The following MLLT3 variants were observed in gnomAD, a reference collection of about 807,000 sequenced individuals.
MLLT3 encodes the protein MLLT3 super elongation complex subunit, also known as protein AF-9.
Under a neutral mutation model 53.2 loss-of-function variants are expected in MLLT3, and 4 were observed. The observed-to-expected ratio is 0.08, with a 90% CI of 0.04 to 0.17. The LOEUF (loss-of-function observed/expected upper bound fraction) is 0.17. MLLT3 is among the 10% of genes least tolerant of loss of function. MLLT3 has a pLI of 1.00. For synonymous variants in MLLT3, 283 were observed against 230.6 expected, an observed-to-expected ratio of 1.23 and a Z score of -2.06; for missense variants, 569 against 684.0, an observed-to-expected ratio of 0.83 and a Z score of 1.87.
In MLLT3 at chr9:20,621,762, G is replaced by C; in HGVS notation, c.12+483C>G. 1 of 1,488,502 alleles carries C rather than the reference G, an allele frequency of 6.7e-7. No individual in the cohort carries two copies. Among genetic ancestry groups the C allele is most frequent in the Non-Finnish European group, 8.9e-7 (1 of 1,127,666 alleles). 92.2% of individuals were successfully genotyped at this position (1,488,502 alleles called of 1,614,324 possible). A position where few individuals can be genotyped will look rare whatever the true frequency, so the allele number is the denominator to read the frequency against. On this transcript the variant is annotated intron_variant, in intron 1 of 10. Coordinates refer to ENST00000380338, the MANE Select transcript of MLLT3 (RefSeq NM_004529.4). The surrounding 1 kb of genome is among the most constrained non-coding windows in gnomAD (Gnocchi z 7.0). Reference sequence around the variant, plus strand: ...ACTTCGGCTCACACACGCGCGCCGCGGAGAACGCACCATCGTAGCGGCCGC... The same window carrying C: ...ACTTCGGCTCACACACGCGCGCCGCCGAGAACGCACCATCGTAGCGGCCGC...
intron 3 of MLLT3, among the ~76,000 whole-genome samples, chr9:20,454,706 G>A (rs1166534291): frequency 6.6e-6 from 1 of 152,190 alleles, no homozygotes; most frequent in Admixed American, 6.5e-5. Context: ...GATGTGACAA[G>A]AGGGAAGAAA....
chr9:20,585,442 ACAGT>A (rs1181767460), intron 2 of MLLT3, among the ~76,000 whole-genome samples: 1 of 152,116 alleles, frequency 6.6e-6, no homozygotes, highest in Non-Finnish European at 1.5e-5. Flanking sequence ...GGGCACAAAA[ACAGT>A]CAGTCCACAA....
intron 2 of MLLT3, among the ~76,000 whole-genome samples, chr9:20,562,804 G>C (rs1001369548): frequency 1.3e-5 from 2 of 152,134 alleles, no homozygotes; most frequent in Non-Finnish European, 2.9e-5. Flanking sequence ...AAAAATGAAA[G>C]TGTTTCCCTA....
chr9:20,582,158 C>T (rs986941088), intron 2 of MLLT3, among the ~76,000 whole-genome samples: 1 of 152,180 alleles, frequency 6.6e-6, no homozygotes, highest in Non-Finnish European at 1.5e-5. Context: ...ACCTGGCTCT[C>T]ATTTTCCCCT....
Position 20,621,769 on chromosome 9 carries a change from G to C in MLLT3, c.12+476C>G. On this transcript the variant is annotated intron_variant, in intron 1 of 10. Coordinates refer to ENST00000380338, the MANE Select transcript of MLLT3 (RefSeq NM_004529.4). The surrounding 1 kb of genome is among the most constrained non-coding windows in gnomAD (Gnocchi z 7.0). ...CTCACACACGCGCGCCGCGGAGAACGCACCATCGTAGCGGCCGCGGCGCTT... is the reference window on the plus strand; with the variant it reads ...CTCACACACGCGCGCCGCGGAGAACCCACCATCGTAGCGGCCGCGGCGCTT... 1 of 1,486,022 alleles carries C rather than the reference G, an allele frequency of 6.7e-7. No homozygotes were observed. The highest frequency in any genetic ancestry group is 8.9e-7 in the Non-Finnish European group (1 of 1,126,778). The allele number at this position is 1,486,022 out of a possible 1,614,324, so 92.1% of individuals were successfully genotyped here. A position where few individuals can be genotyped will look rare whatever the true frequency, so the allele number is the denominator to read the frequency against.
At position 20,487,343 on chromosome 9, in the gene MLLT3, T is replaced by C. The variant is rs76126077; in HGVS notation, c.194-30557A>G. On this transcript the variant is annotated intron_variant, in intron 2 of 10. Transcript: ENST00000380338. ...ATCTTGCTGCTGTCTAGCAAAATCA[T>C]AGGACTTTTGCTACTAGGATGAAAT... is the stretch of plus-strand genomic sequence containing the variant. Among the ~76,000 whole-genome samples, 223 of 152,268 alleles carry C rather than the reference T, an allele frequency of 1.5e-3. 1 individual carries two copies. Among genetic ancestry groups the C allele is most frequent in the Middle Eastern group, 6.8e-3 (2 of 294 alleles).
chr9:20,509,555 A>G (rs1825473181), intron 2 of MLLT3, among the ~76,000 whole-genome samples: 1 of 152,226 alleles, frequency 6.6e-6, no homozygotes, highest in South Asian at 2.1e-4. Context: ...AAGCATTAAT[A>G]TCTACAACAC....
chr9:20,352,011 A>G (rs1288327673), intron 10 of MLLT3, among the ~76,000 whole-genome samples: 2 of 152,178 alleles, frequency 1.3e-5, no homozygotes, highest in African/African-American at 4.8e-5. Context: ...AAATTCACAG[A>G]TATTACTCTC....
chr9:20,433,263 T>C (rs1161879484), intron 4 of MLLT3, among the ~76,000 whole-genome samples: 1 of 152,114 alleles, frequency 6.6e-6, no homozygotes. Context: ...TTAAAAAGTA[T>C]GCAAAGAAAC....
At chr9:20,427,062 T>G (rs1201856057) in intron 4 of MLLT3, among the ~76,000 whole-genome samples, 1 of 152,100 alleles carries the variant, frequency 6.6e-6, no homozygotes, top group Non-Finnish European at 1.5e-5. Context: ...ATTCCCAATG[T>G]TCACCTAAAT....
rs1435147140 is a variant in MLLT3 at position 20,621,460 on chromosome 9, A to G, written c.13-626T>C. 6.6e-6 allele frequency among the ~76,000 whole-genome samples: 1 copy of G among 151,940 alleles called. No homozygotes were observed. Among genetic ancestry groups the G allele is most frequent in the Admixed American group, 6.5e-5 (1 of 15,276 alleles). ...GTCATACACACTGAAACACACACAC[A>G]CGCCCGCAGGAAAACACGCCGAGGC... On this transcript the variant is annotated intron_variant, in intron 1 of 10. Coordinates refer to ENST00000380338, the MANE Select transcript of MLLT3 (RefSeq NM_004529.4). The surrounding 1 kb of genome is among the most constrained non-coding windows in gnomAD (Gnocchi z 7.0).
At chr9:20,476,884 C>T (rs1473773088) in intron 2 of MLLT3, among the ~76,000 whole-genome samples, 1 of 152,080 alleles carries the variant, frequency 6.6e-6, no homozygotes, top group Non-Finnish European at 1.5e-5. Flanking sequence ...TATCAATAAC[C>T]ATAGCATACG....
chr9:20,460,209 A>G lies in MLLT3; in HGVS notation c.194-3423T>C, dbSNP rs557944628. Among the ~76,000 whole-genome samples the G allele has an allele frequency of 2.6e-5, 4 of 152,294 alleles. No homozygotes were observed. The South Asian group carries it at 6.2e-4, about 24-fold the overall frequency. On this transcript the variant is annotated intron_variant, in intron 2 of 10. Transcript: ENST00000380338. ...TGAGAGTCTCTTCTCTCACTGCATC[A>G]AGTTTATGATAGCTAAGCATTCTAA...
At chr9:20,401,296 A>G (rs1380534931) in intron 5 of MLLT3, among the ~76,000 whole-genome samples, 2 of 152,164 alleles carry the variant, frequency 1.3e-5, no homozygotes, top group Non-Finnish European at 2.9e-5. Context: ...TTAATAACTG[A>G]TTTTCTAATT....
intron 4 of MLLT3, 52 bp from the exon 5 acceptor site, chr9:20,414,477 G>T: frequency 6.3e-7 from 1 of 1,594,362 alleles, no homozygotes. Context: ...TAGCAATGAA[G>T]AGTCAAAAGA....
rs768376362 is a variant in MLLT3 at position 20,365,697 on chromosome 9, G to A, written c.1173C>T (p.Ser391=). The A allele has an allele frequency of 6.2e-7, 1 of 1,614,022 alleles. No individual in the cohort carries two copies. The highest frequency in any genetic ancestry group is 8.5e-7 in the Non-Finnish European group (1 of 1,179,896). Reference sequence around the variant, plus strand: ...GTTGCCTGGTCTGGGATGGTGTGAAGCTGGAGCTGGAGCTGGAGCTGGAGC... The same window carrying A: ...GTTGCCTGGTCTGGGATGGTGTGAAACTGGAGCTGGAGCTGGAGCTGGAGC... ...PASSSSSSSS[S]FTPSQTRQQG... is the part of the protein sequence containing the mutation. The change falls in exon 6 of 11, where the codon AGC becomes AGT. Residue 391 remains serine (S), a synonymous_variant. Coordinates refer to ENST00000380338, the MANE Select transcript of MLLT3 (RefSeq NM_004529.4).
At chr9:20,584,610 GGAA>G (rs1462500173) in intron 2 of MLLT3, among the ~76,000 whole-genome samples, 1 of 152,156 alleles carries the variant, frequency 6.6e-6, no homozygotes, top group African/African-American at 2.4e-5. Context: ...AGATAAATGA[GGAA>G]GAAGCAAAAG....
chr9:20,587,557 T>A (rs1467669197), intron 2 of MLLT3, among the ~76,000 whole-genome samples: 1 of 152,180 alleles, frequency 6.6e-6, no homozygotes, highest in Admixed American at 6.5e-5. Context: ...ATTTTAACCA[T>A]TAAAAGAAAA....
chr9:20,503,289 A>G (rs920171634), intron 2 of MLLT3, among the ~76,000 whole-genome samples: 4 of 152,222 alleles, frequency 2.6e-5, no homozygotes, highest in African/African-American at 9.6e-5. Context: ...ATCTAACTTC[A>G]AAGTATACTA....
Sources: gnomAD v4.1 joint callset for allele counts (sites outside exome capture counted in the v4.1 genomes callset) on GRCh38, gnomAD v4.1.1 for gene constraint, Gnocchi (gnomAD v3.1) non-coding constraint, MANE v1.5 for transcripts, NCBI Gene and HGNC (gene_info 2026-07-23, HGNC 2026-07-21) for gene names.